The following EXD1 variants were observed in gnomAD, a reference collection of about 807,000 sequenced individuals.
EXD1 encodes piRNA biogenesis protein EXD1.
EXD1 carries 63 observed loss-of-function variants against 49.1 expected under a neutral mutation model. The ratio of observed to expected loss-of-function variants is 1.28; its 90% CI spans 1.05 to 1.58. The LOEUF is 1.58. EXD1 is among the 40% of genes most tolerant of loss of function. The pLI is 0.00. For synonymous variants in EXD1, 234 were observed against 239.2 expected (o/e 0.98, Z 0.20); for missense variants, 748 against 666.0 (o/e 1.12, Z -1.36).
rs1002619557 is a variant in EXD1, at chr15:41,220,006, A to C, written c.134-108T>G. 11 of 773,846 alleles carry C rather than the reference A, an allele frequency of 1.4e-5. No homozygotes were observed. In the African/African-American group the frequency reaches 1.8e-4, roughly 12 times the overall value. The allele number at this position is 773,846 out of a possible 1,614,324, so 47.9% of individuals were successfully genotyped here. On this transcript the variant is annotated intron_variant, in intron 2 of 11. Coordinates refer to ENST00000458580, the MANE Select transcript of EXD1 (RefSeq NM_001286441.2). Reference sequence around the variant, plus strand: ...AAGTCTGAGTTGTATTTAAAAAAAAAAAAACTCCAAAAAAATATCCAAATC... The same window carrying C: ...AAGTCTGAGTTGTATTTAAAAAAAACAAAACTCCAAAAAAATATCCAAATC...
intron 7 of EXD1, among the ~76,000 whole-genome samples, chr15:41,197,837 G>C (rs76059732): frequency 0.11 from 16,480 of 143,508 alleles, 1,499 homozygotes; most frequent in African/African-American, 0.21. Context: ...TGTTGGCCAG[G>C]CTGGTCTCGA....
chr15:41,190,833 A>C (rs148355515), intron 10 of EXD1, among the ~76,000 whole-genome samples: 49 of 152,318 alleles, frequency 3.2e-4, no homozygotes, highest in African/African-American at 1.1e-3. Context: ...CATTGCCTTG[A>C]TCAAAATTCT....
intron 7 of EXD1, among the ~76,000 whole-genome samples, chr15:41,206,565 T>C (rs1015151008): frequency 2.6e-5 from 4 of 151,240 alleles, no homozygotes; most frequent in Non-Finnish European, 4.4e-5. Context: ...TTTGTCAAAG[T>C]ATTTTGTAAA....
Position 41,219,875 on chromosome 15 carries a change from T to C in EXD1, c.157A>G (p.Ser53Gly). Residue 53 changes from serine to glycine, a missense_variant, in exon 3 of 12, where the codon AGT (serine) becomes GGT (glycine). Physicochemically the swap from Ser to Gly is moderately conservative, Grantham distance 56. Coordinates refer to ENST00000458580, the MANE Select transcript of EXD1 (RefSeq NM_001286441.2). ...KKVKNVETGR[S>G]VPGVKLFFGH... ...AAAAACAACTTCACTCCTGGGACAC[T>C]TCGACCTGTCTCCACATTCTTCACT... 6.5e-7 allele frequency: 1 copy of C among 1,535,698 alleles called. No individual in the cohort carries two copies.
intron 7 of EXD1, among the ~76,000 whole-genome samples, chr15:41,205,631 T>C (rs1436986280): frequency 6.6e-6 from 1 of 150,716 alleles, no homozygotes; most frequent in East Asian, 2.0e-4. Flanking sequence ...TACAAAAAGT[T>C]AGCTATCACG....
chr15:41,230,733 C>T lies in EXD1; in HGVS notation c.-308G>A. 1.6e-6 allele frequency: 1 copy of T among 610,196 alleles called. No individual in the cohort carries two copies. The highest frequency in any genetic ancestry group is 2.8e-6 in the Non-Finnish European group (1 of 355,450). The allele number at this position is 610,196 out of a possible 1,614,324, so 37.8% of individuals were successfully genotyped here. On this transcript the variant is annotated 5_prime_UTR_variant, in exon 1 of 12. Transcript: ENST00000458580. The stretch of plus-strand genomic sequence containing the variant: ...ACACACGCCGCAGAGGCGACGCCCG[C>T]CCGGCCCAACGTCCAGTCTCGTCTG...
intron 1 of EXD1, among the ~76,000 whole-genome samples, chr15:41,228,706 T>A (rs1164574141): frequency 6.6e-6 from 1 of 152,192 alleles, no homozygotes; most frequent in Admixed American, 6.5e-5. Flanking sequence ...ACATTATTTT[T>A]ATTTTATTTT....
At chr15:41,191,678 AT>A in intron 9 of EXD1, 93 bp from the exon 10 acceptor site, 3 of 1,269,600 alleles carry the variant, frequency 2.4e-6, no homozygotes, top group Non-Finnish European at 3.3e-6. Context: ...TCTAAATAAC[AT>A]TTTCCCCAAG....
In EXD1 at chr15:41,228,587, A is replaced by G. The variant is rs138092122; in HGVS notation, c.-54+1892T>C. 7.0e-4 allele frequency among the ~76,000 whole-genome samples: 106 copies of G among 152,346 alleles called. 3 individuals are homozygous for G. Among genetic ancestry groups the G allele is most frequent in the Middle Eastern group, 3.4e-3 (1 of 294 alleles). On this transcript the variant is annotated intron_variant, in intron 1 of 11. Transcript: ENST00000458580. ...CAAACAGAACATAAAACAAGTCATCAGAGAGTCTAAGAAAAACCATTCTTT... is the reference window on the plus strand; with the variant it reads ...CAAACAGAACATAAAACAAGTCATCGGAGAGTCTAAGAAAAACCATTCTTT...
chr15:41,183,116 C>T lies in EXD1; in HGVS notation c.*815G>A, dbSNP rs889957824. 6.6e-6 allele frequency: 1 copy of T among 152,140 alleles called. No homozygotes were observed. Among genetic ancestry groups the T allele is most frequent in the Non-Finnish European group, 1.5e-5 (1 of 68,068 alleles). The allele number at this position is 152,140 out of a possible 1,614,324, so 9.4% of individuals were successfully genotyped here. A position where few individuals can be genotyped will look rare whatever the true frequency, so the allele number is the denominator to read the frequency against. Reference sequence around the variant, plus strand: ...ACCAGCCTGGCCAACATGGTGAAACCCCATCTCTACTAAAAATACAAAAAT... The same window carrying T: ...ACCAGCCTGGCCAACATGGTGAAACTCCATCTCTACTAAAAATACAAAAAT... On this transcript the variant is annotated 3_prime_UTR_variant, in exon 12 of 12. Coordinates refer to ENST00000458580, the MANE Select transcript of EXD1 (RefSeq NM_001286441.2).
intron 4 of EXD1, 147 bp from the exon 5 acceptor site, chr15:41,216,942 G>T: frequency 1.5e-6 from 2 of 1,324,810 alleles, no homozygotes; most frequent in Non-Finnish European, 2.1e-6. Flanking sequence ...ACTTGAGGGC[G>T]CTATCTAACA....
intron 7 of EXD1, among the ~76,000 whole-genome samples, chr15:41,207,014 G>A (rs1196341045): frequency 1.4e-5 from 2 of 144,834 alleles, no homozygotes; most frequent in African/African-American, 2.6e-5. Flanking sequence ...AGGCCGAGGC[G>A]GGCAGATCAC....
chr15:41,224,230 G>A (rs7178739), intron 2 of EXD1, among the ~76,000 whole-genome samples: 19,402 of 152,140 alleles, frequency 0.13, 1,433 homozygotes, highest in South Asian at 0.27. Flanking sequence ...GAGCCACTGC[G>A]CCCAGCCCCT....
intron 5 of EXD1, among the ~76,000 whole-genome samples, chr15:41,216,294 C>T (rs1443291171): frequency 6.8e-6 from 1 of 146,984 alleles, no homozygotes; most frequent in African/African-American, 2.6e-5. Flanking sequence ...TTGAATTTGA[C>T]TGACCTGGTT....
intron 6 of EXD1, among the ~76,000 whole-genome samples, chr15:41,212,774 T>C (rs2046940635): frequency 6.6e-6 from 1 of 152,208 alleles, no homozygotes; most frequent in African/African-American, 2.4e-5. Flanking sequence ...TGTGGTGGCT[T>C]ACACCTCTAA....
Position 41,184,493 on chromosome 15 carries a change from C to T in EXD1, c.1157G>A (p.Gly386Glu). The change falls in exon 12 of 12, where the codon GGA (glycine) becomes GAA (glutamate). Residue 386 changes from glycine to glutamate, a missense_variant. By Grantham distance (98) the Gly-to-Glu change is moderately conservative. Transcript: ENST00000458580. The stretch of plus-strand genomic sequence containing the variant: ...CTGTAGCACTGTCCTTATCAGGAGT[C>T]CCTGTGCATTCACCCTATATTCTCT... ...AAREYRVNAQGLLIRTVLQPK... is the reference protein window; with the variant it reads ...AAREYRVNAQELLIRTVLQPK... 1 of 1,614,136 alleles carries T rather than the reference C, an allele frequency of 6.2e-7. No individual in the cohort carries two copies. Among genetic ancestry groups the T allele is most frequent in the African/African-American group, 1.3e-5 (1 of 75,042 alleles).
chr15:41,219,578 T>C, intron 3 of EXD1: 1 of 363,986 alleles, frequency 2.7e-6, no homozygotes, highest in South Asian at 7.4e-5. Flanking sequence ...AATCCCTTCC[T>C]GTTCACATTC....
intron 7 of EXD1, among the ~76,000 whole-genome samples, chr15:41,199,867 G>GTA (rs2046700093): frequency 7.0e-6 from 1 of 142,676 alleles, no homozygotes; most frequent in Non-Finnish European, 1.5e-5. Flanking sequence ...TATATGATCT[G>GTA]TATATATATC....
chr15:41,230,166 C>A (rs945944878), intron 1 of EXD1, among the ~76,000 whole-genome samples: 1 of 150,994 alleles, frequency 6.6e-6, no homozygotes, highest in Non-Finnish European at 1.5e-5. Context: ...TCACTGCAAC[C>A]TCCGCCTCCC....
Sources: allele counts gnomAD v4.1 joint callset (sites outside exome capture counted in the v4.1 genomes callset), GRCh38; gene constraint gnomAD v4.1.1; transcripts MANE v1.5; gene names NCBI Gene and HGNC (gene_info 2026-07-23, HGNC 2026-07-21).